Variants in KDM4A observed in about 807,000 individuals in gnomAD.
KDM4A encodes the protein lysine-specific demethylase 4A.
KDM4A carries 23 observed loss-of-function variants against 127.1 expected under a neutral mutation model. The observed-to-expected ratio is 0.18, with a 90% confidence interval of 0.13 to 0.26. The LOEUF (loss-of-function observed/expected upper bound fraction) is 0.26. Ranked by LOEUF, KDM4A falls within the 10% of genes least tolerant of loss-of-function variation. The pLI is 1.00. For synonymous variants in KDM4A, 443 were observed against 466.5 expected, an observed-to-expected ratio of 0.95 and a Z score of 0.65; for missense variants, 890 against 1,329.1, an observed-to-expected ratio of 0.67 and a Z score of 5.14.
rs570986178 is a variant in KDM4A at position 43,660,366 on chromosome 1, A to G, written c.383A>G (p.Asn128Ser). The change falls in exon 4 of 22, where the codon AAT becomes AGT. Residue 128 changes from asparagine to serine, a missense_variant. Physicochemically the swap from Asn to Ser is conservative, Grantham distance 46 (BLOSUM62 1). This residue lies in a region of KDM4A where 141 missense variants were observed against 273.5 expected (regional missense o/e 0.52). Coordinates refer to ENST00000372396, the MANE Select transcript of KDM4A (RefSeq NM_014663.3). ...AAATACTGGAAAAATCTTACATTCA[A>G]TCCTCCAATCTATGGTGCAGATGTG... ...ERKYWKNLTF[N>S]PPIYGADVNG... 89 of 1,612,766 alleles carry G rather than the reference A, an allele frequency of 5.5e-5. No individual in the cohort carries two copies. Among genetic ancestry groups the G allele is most frequent in the South Asian group, 1.3e-4 (12 of 90,936 alleles).
intron 15 of KDM4A, among the ~76,000 whole-genome samples, chr1:43,691,817 G>C (rs1661118979): frequency 6.6e-6 from 1 of 152,102 alleles, no homozygotes; most frequent in Non-Finnish European, 1.5e-5. Flanking sequence ...TCCTGTGGAG[G>C]AACAATAACT....
intron 8 of KDM4A, among the ~76,000 whole-genome samples, chr1:43,667,500 C>T (rs1660525654): frequency 6.6e-6 from 1 of 152,094 alleles, no homozygotes; most frequent in African/African-American, 2.4e-5. Context: ...GTCCTGGGGG[C>T]CTAAGTGCAG....
chr1:43,703,505 T>C (rs1396143502), intron 19 of KDM4A, 112 bp from the exon 20 acceptor site: 3 of 1,346,362 alleles, frequency 2.2e-6, no homozygotes, highest in Middle Eastern at 5.4e-4. Flanking sequence ...AGAGCTGCCT[T>C]GCTCTCTAAA....
intron 3 of KDM4A, among the ~76,000 whole-genome samples, chr1:43,658,105 G>A (rs1344451137): frequency 1.6e-5 from 2 of 126,648 alleles, no homozygotes; most frequent in African/African-American, 3.0e-5. Context: ...GAGTCTCGCT[G>A]TGTTGCCCAG....
At chr1:43,670,149 G>A (rs1447291011) in intron 10 of KDM4A, among the ~76,000 whole-genome samples, 2 of 152,126 alleles carry the variant, frequency 1.3e-5, no homozygotes, top group Non-Finnish European at 2.9e-5. Flanking sequence ...TTAAGAGAGG[G>A]AGTGGTGTGA....
At chr1:43,677,668 G>A (rs1447722380) in intron 11 of KDM4A, among the ~76,000 whole-genome samples, 1 of 152,282 alleles carries the variant, frequency 6.6e-6, no homozygotes, top group African/African-American at 2.4e-5. Flanking sequence ...CTGCACTGAT[G>A]TTTTGGAAGA....
At chr1:43,685,543 T>C (rs1036102816) in intron 12 of KDM4A, among the ~76,000 whole-genome samples, 1 of 149,946 alleles carries the variant, frequency 6.7e-6, no homozygotes. Context: ...CCGAGGCGGG[T>C]GGATCACAAG....
chr1:43,694,133 C>G lies in KDM4A; in HGVS notation c.2484+31C>G. 6.4e-7 allele frequency: 1 copy of G among 1,562,458 alleles called. No homozygotes were observed. The highest frequency in any genetic ancestry group is 8.8e-7 in the Non-Finnish European group (1 of 1,135,700). ...GGCTTGTAGACTCTACATAATTTCC[C>G]GACTTACAAGTTTCTGGGTAGAAGA... On this transcript the variant is annotated intron_variant, in intron 17 of 21. Transcript: ENST00000372396. This position sits in a 1 kb window ranked among gnomAD's most constrained non-coding sequence, Gnocchi z 5.2.
chr1:43,656,336 T>TG (rs1473520644), intron 3 of KDM4A, among the ~76,000 whole-genome samples: 30 of 137,032 alleles, frequency 2.2e-4, no homozygotes, highest in Non-Finnish European at 3.8e-4. Flanking sequence ...TTGGTTTTTT[T>TG]TTTTTTTTTT....
intron 2 of KDM4A, among the ~76,000 whole-genome samples, chr1:43,654,120 C>T (rs1406393333): frequency 6.6e-6 from 1 of 152,210 alleles, no homozygotes; most frequent in African/African-American, 2.4e-5. Flanking sequence ...TCTGCAGATA[C>T]GGCTACTGCT....
intron 19 of KDM4A, among the ~76,000 whole-genome samples, chr1:43,700,386 C>A (rs1030583817): frequency 1.5e-4 from 23 of 152,310 alleles, no homozygotes; most frequent in African/African-American, 4.1e-4. Context: ...CTCGGCCTCC[C>A]AAAGTGCTGG....
intron 3 of KDM4A, 146 bp downstream of exon 3, chr1:43,655,912 T>A (rs1660226073): frequency 9.3e-6 from 5 of 540,494 alleles, no homozygotes; most frequent in Middle Eastern, 9.5e-4. Context: ...CTGCTTTTTT[T>A]ATGGAAGCAT....
chr1:43,669,479 A>T (rs1557908749), intron 10 of KDM4A, among the ~76,000 whole-genome samples, 180 bp downstream of exon 10: 1 of 152,098 alleles, frequency 6.6e-6, no homozygotes, highest in East Asian at 1.9e-4. Flanking sequence ...CTGGACACGT[A>T]GGGAAAAGCT....
chr1:43,700,964 C>G (rs1375702911), intron 19 of KDM4A, among the ~76,000 whole-genome samples: 1 of 151,094 alleles, frequency 6.6e-6, no homozygotes, highest in East Asian at 1.9e-4. Flanking sequence ...CGCTCTGTCG[C>G]CAGGCTGGAG....
rs189443434 is a variant in KDM4A at position 43,703,374 on chromosome 1, A to G, written c.2842-243A>G. The G allele has an allele frequency of 2.5e-3, 954 of 378,662 alleles. 6 individuals are homozygous for G. Among genetic ancestry groups the G allele is most frequent in the African/African-American group, 0.018 (857 of 48,428 alleles). 23.5% of individuals were successfully genotyped at this position (378,662 alleles called of 1,614,324 possible). A position where few individuals can be genotyped will look rare whatever the true frequency, so the allele number is the denominator to read the frequency against. On this transcript the variant is annotated intron_variant, in intron 19 of 21. Coordinates refer to ENST00000372396, the MANE Select transcript of KDM4A (RefSeq NM_014663.3). The stretch of plus-strand genomic sequence containing the variant: ...ATTCTGGCACTTAACTCCTGTGTTT[A>G]CTAAGTTTGTTATAGCTGGATTTTT...
At chr1:43,676,433 G>A (rs1660743217) in intron 11 of KDM4A, among the ~76,000 whole-genome samples, 1 of 152,086 alleles carries the variant, frequency 6.6e-6, no homozygotes, top group African/African-American at 2.4e-5. Context: ...GCAATTCTTT[G>A]CCTCAGCCTC....
intron 11 of KDM4A, among the ~76,000 whole-genome samples, chr1:43,675,616 G>A (rs984610436): frequency 1.3e-5 from 2 of 152,158 alleles, no homozygotes; most frequent in Admixed American, 1.3e-4. Context: ...GGCCTCAGGT[G>A]GTGCTGTTGG....
In KDM4A at chr1:43,671,673, G is replaced by A; in HGVS notation, c.1532G>A (p.Ser511Asn). ...GGCTCCAAAAAGAAATCATCTTCTA[G>A]CCTGGGCTCTGGCTCTTCACGGGAT... Reference protein sequence around the residue: ...FSGSKKKSSSSLGSGSSRDSI... With the variant: ...FSGSKKKSSSNLGSGSSRDSI... Residue 511 changes from serine (S) to asparagine (N), a missense_variant, in exon 11 of 22, where the codon AGC (serine) becomes AAC (asparagine). Physicochemically the swap from Ser to Asn is conservative, Grantham distance 46. Coordinates refer to ENST00000372396, the MANE Select transcript of KDM4A (RefSeq NM_014663.3). The A allele has an allele frequency of 6.2e-7, 1 of 1,613,306 alleles. No homozygotes were observed. Among genetic ancestry groups the A allele is most frequent in the Non-Finnish European group, 8.5e-7 (1 of 1,179,658 alleles).
In KDM4A at chr1:43,671,487, T is replaced by C. The variant is rs771788082; in HGVS notation, c.1364-18T>C. On this transcript the variant is annotated intron_variant, in intron 10 of 21. Transcript: ENST00000372396. ...GCAGGAGGAACTTGGCTCTGTCTAA[T>C]GTGTATGTGTGTTTCAGATTATTCT... is the stretch of plus-strand genomic sequence containing the variant. 4 of 1,528,408 alleles carry C rather than the reference T, an allele frequency of 2.6e-6. No individual in the cohort carries two copies. Among genetic ancestry groups the C allele is most frequent in the South Asian group, 1.3e-5 (1 of 75,954 alleles). The allele number at this position is 1,528,408 out of a possible 1,614,324, so 94.7% of individuals were successfully genotyped here.
Sources: gnomAD v4.1 joint callset for allele counts (sites outside exome capture counted in the v4.1 genomes callset) on GRCh38, gnomAD v4.1.1 for gene constraint, gnomAD v4.1.1 regional missense constraint, Gnocchi (gnomAD v3.1) non-coding constraint, MANE v1.5 for transcripts, NCBI Gene and HGNC (gene_info 2026-07-23, HGNC 2026-07-21) for gene names.